PIK3C2G: variants seen among roughly 807,000 people sequenced by gnomAD.
PIK3C2G encodes the protein phosphatidylinositol-4-phosphate 3-kinase catalytic subunit type 2 gamma.
A neutral mutation model predicts 181.1 loss-of-function variants in PIK3C2G; 168 were observed. The observed-to-expected ratio is 0.93, with a 90% CI of 0.82 to 1.05. The LOEUF is 1.05. Among genes scored for constraint, PIK3C2G ranks in the 50% least tolerant of loss-of-function variants. The pLI, the probability that PIK3C2G is intolerant of heterozygous loss-of-function variation, is 0.00. For missense variants in PIK3C2G, 1,869 were observed against 1,732.8 expected, an observed-to-expected ratio of 1.08 and a Z score of -1.40; for synonymous variants, 573 against 592.2, an observed-to-expected ratio of 0.97 and a Z score of 0.47.
chr12:18,333,577 G>A (rs952349368), intron 8 of PIK3C2G, among the ~76,000 whole-genome samples: 13 of 152,098 alleles, frequency 8.5e-5, no homozygotes, highest in Non-Finnish European at 1.5e-4. Context: ...AACTAAGAAT[G>A]ATGGTTTCCA....
intron 29 of PIK3C2G, among the ~76,000 whole-genome samples, chr12:18,570,669 G>A (rs1238965290): frequency 6.7e-6 from 1 of 150,162 alleles, no homozygotes; most frequent in Admixed American, 6.6e-5. Flanking sequence ...GGGCAAGCAG[G>A]TGCAGGTTCT....
intron 22 of PIK3C2G, 100 bp from the exon 23 acceptor site, chr12:18,503,181 G>A: frequency 1.3e-6 from 1 of 754,638 alleles, no homozygotes; most frequent in Non-Finnish European, 2.1e-6. Flanking sequence ...AAGGAAAGGG[G>A]TAATCCAGTA....
At chr12:18,388,699 G>A (rs996159412) in intron 14 of PIK3C2G, among the ~76,000 whole-genome samples, 2 of 152,318 alleles carry the variant, frequency 1.3e-5, no homozygotes, top group South Asian at 2.1e-4. Context: ...GGGCATGGAC[G>A]CTAGGGACAT....
At chr12:18,720,804 A>G in the PIK3C2G span, among the ~76,000 whole-genome samples, 5 of 152,196 alleles carry the variant, frequency 3.3e-5, no homozygotes, top group African/African-American at 1.2e-4. Context: ...AAAGCAAGAT[A>G]AGTGCAGGGG....
intron 11 of PIK3C2G, among the ~76,000 whole-genome samples, chr12:18,356,506 G>A (rs1325452609): frequency 1.3e-5 from 2 of 152,130 alleles, no homozygotes; most frequent in African/African-American, 2.4e-5. Flanking sequence ...TACACTTTTA[G>A]CTTTGCCATC....
chr12:18,429,119 G>A (rs937904881), intron 18 of PIK3C2G, among the ~76,000 whole-genome samples: 1 of 152,098 alleles, frequency 6.6e-6, no homozygotes, highest in African/African-American at 2.4e-5. Context: ...TTATCAGGGT[G>A]AGCCCTGAAT....
In PIK3C2G at chr12:18,533,587, G is replaced by A. The variant is rs1943671572; in HGVS notation, c.3324-4569G>A. Among the ~76,000 whole-genome samples the A allele has an allele frequency of 2.6e-5, 4 of 151,840 alleles. No homozygotes were observed. The South Asian group carries it at 8.3e-4, about 32-fold the overall frequency. ...CCAAACCCTTCTCTGTATTGTTAGT[G>A]GAGTAATCTTTTCAAAACACTATTG... On this transcript the variant is annotated intron_variant, in intron 24 of 32. Transcript: ENST00000538779.
chr12:18,684,474 G>A, the PIK3C2G span, among the ~76,000 whole-genome samples: 2 of 151,972 alleles, frequency 1.3e-5, no homozygotes, highest in African/African-American at 4.8e-5. Context: ...CTATTGCTGG[G>A]CAATGTTCTA....
chr12:18,450,824 TA>T (rs1947304071), intron 18 of PIK3C2G, among the ~76,000 whole-genome samples: 1 of 152,212 alleles, frequency 6.6e-6, no homozygotes. Flanking sequence ...CACCATTTAT[TA>T]AATAGGGAAT....
intron 26 of PIK3C2G, among the ~76,000 whole-genome samples, chr12:18,548,481 C>G (rs1437587611): frequency 6.6e-6 from 1 of 152,006 alleles, no homozygotes; most frequent in African/African-American, 2.4e-5. Flanking sequence ...CTCCCTATCC[C>G]TCTACTTCAT....
At chr12:18,699,679 G>A in the PIK3C2G span, 3 of 1,123,438 alleles carry the variant, frequency 2.7e-6, no homozygotes, top group Non-Finnish European at 4.0e-6. Flanking sequence ...TATGTTAAAT[G>A]TGTTGAAATT....
intron 29 of PIK3C2G, among the ~76,000 whole-genome samples, chr12:18,577,376 C>T (rs1411724802): frequency 6.6e-6 from 1 of 152,122 alleles, no homozygotes; most frequent in East Asian, 1.9e-4. Flanking sequence ...TACAAATGTG[C>T]TAATTAAAGT....
the PIK3C2G span, among the ~76,000 whole-genome samples, chr12:18,706,850 T>A: frequency 1.3e-5 from 2 of 152,172 alleles, no homozygotes; most frequent in Non-Finnish European, 2.9e-5. Flanking sequence ...AACAACAACA[T>A]TTATTCTCTC....
At chr12:18,343,480 C>A (rs1173838912) in intron 10 of PIK3C2G, 120 bp downstream of exon 10, 3 of 478,450 alleles carry the variant, frequency 6.3e-6, no homozygotes, top group Non-Finnish European at 1.1e-5. Flanking sequence ...CACACACACA[C>A]ACACACACAC....
rs573475437 is a variant in PIK3C2G, at chr12:18,270,709, A to G, written c.-79+9132A>G. Among the ~76,000 whole-genome samples, 3 of 152,312 alleles carry G rather than the reference A, an allele frequency of 2.0e-5. No homozygotes were observed. The East Asian group carries it at 5.8e-4, about 29-fold the overall frequency. Reference sequence around the variant, plus strand: ...GGTTAAAAGATATAATGCTTTATAAATATAAATCCTCTTAAGGAATAGTTT... The same window carrying G: ...GGTTAAAAGATATAATGCTTTATAAGTATAAATCCTCTTAAGGAATAGTTT... On this transcript the variant is annotated intron_variant, in intron 1 of 32. Transcript: ENST00000538779.
chr12:18,585,349 C>G (rs1364925894), intron 29 of PIK3C2G, among the ~76,000 whole-genome samples: 1 of 151,346 alleles, frequency 6.6e-6, no homozygotes, highest in Non-Finnish European at 1.5e-5. Flanking sequence ...AGAAAATCCA[C>G]CAAGCAAATG....
intron 8 of PIK3C2G, among the ~76,000 whole-genome samples, chr12:18,337,954 C>T (rs902574308): frequency 5.9e-5 from 9 of 152,124 alleles, no homozygotes; most frequent in Non-Finnish European, 1.2e-4. Flanking sequence ...AGTAAGTTTG[C>T]CCAACTATAC....
chr12:18,591,566 G>C (rs1019598565), intron 29 of PIK3C2G, among the ~76,000 whole-genome samples: 1 of 151,650 alleles, frequency 6.6e-6, no homozygotes, highest in Non-Finnish European at 1.5e-5. Context: ...ACACATTTGA[G>C]AAAGTAAATA....
At chr12:18,699,990 T>A in the PIK3C2G span, 4 of 1,567,400 alleles carry the variant, frequency 2.6e-6, no homozygotes, top group Non-Finnish European at 3.5e-6. Context: ...TTTATGCTAA[T>A]CATTGGGAAA....
Sources: gnomAD v4.1 joint callset for allele counts (sites outside exome capture counted in the v4.1 genomes callset) on GRCh38, gnomAD v4.1.1 for gene constraint, MANE v1.5 for transcripts, NCBI Gene and HGNC (gene_info 2026-07-23, HGNC 2026-07-21) for gene names.